Variants in TNIK observed in about 807,000 individuals in gnomAD.
TNIK encodes TRAF2 and NCK-interacting protein kinase.
TNIK carries 49 observed loss-of-function variants against 191.3 expected under a neutral mutation model. The ratio of observed to expected loss-of-function variants is 0.26; its 90% CI spans 0.20 to 0.32. The LOEUF is 0.32. Ranked by LOEUF, TNIK falls within the 10% of genes least tolerant of loss-of-function variation. TNIK has a pLI of 1.00. For missense variants in TNIK, 1,155 were observed against 1,702.3 expected (o/e 0.68, Z 5.66); for synonymous variants, 594 against 600.9 (o/e 0.99, Z 0.17).
chr3:171,419,869 A>G (rs1238307169), intron 1 of TNIK, among the ~76,000 whole-genome samples: 1 of 152,220 alleles, frequency 6.6e-6, no homozygotes, highest in Non-Finnish European at 1.5e-5. Context: ...GAATTTGACC[A>G]CAAGTTTTTA....
intron 2 of TNIK, among the ~76,000 whole-genome samples, chr3:171,261,660 T>C (rs957804767): frequency 6.6e-6 from 1 of 152,236 alleles, no homozygotes; most frequent in African/African-American, 2.4e-5. Context: ...TATGACTTCC[T>C]TGTATAAATA....
At chr3:171,101,724 G>C in intron 21 of TNIK, 91 bp from the exon 22 acceptor site, 2 of 1,187,634 alleles carry the variant, frequency 1.7e-6, no homozygotes, top group Non-Finnish European at 2.3e-6. Flanking sequence ...TAAGCAACAA[G>C]AAAAAAAAAA....
intron 22 of TNIK, among the ~76,000 whole-genome samples, chr3:171,098,923 CACAT>C (rs986594569): frequency 2.0e-5 from 3 of 152,086 alleles, no homozygotes; most frequent in Non-Finnish European, 4.4e-5. Flanking sequence ...TAAACATACA[CACAT>C]ACATTTGTAC....
intron 1 of TNIK, among the ~76,000 whole-genome samples, chr3:171,399,899 G>T (rs910414111): frequency 6.6e-6 from 1 of 152,120 alleles, no homozygotes; most frequent in African/African-American, 2.4e-5. Flanking sequence ...ATCAGGAGGT[G>T]GGGAAGTAAT....
At position 171,067,418 on chromosome 3, in the gene TNIK, C is replaced by T. The variant is rs1718583910; in HGVS notation, c.3700-683G>A. Among the ~76,000 whole-genome samples the T allele has an allele frequency of 2.0e-5, 3 of 151,998 alleles. No individual in the cohort carries two copies. The South Asian group carries it at 6.2e-4, about 32-fold the overall frequency. On this transcript the variant is annotated intron_variant, in intron 30 of 32. Coordinates refer to ENST00000436636, the MANE Select transcript of TNIK (RefSeq NM_015028.4). ...GCACACAGTGGCTCATGCCTGTAAT[C>T]CCAGCACTTTGGGAGGCCGAGGCGG...
intron 12 of TNIK, among the ~76,000 whole-genome samples, chr3:171,141,932 C>T (rs1321596332): frequency 1.3e-5 from 2 of 152,216 alleles, no homozygotes; most frequent in South Asian, 2.1e-4. Context: ...TAAGTTAGCT[C>T]TACACAACCA....
intron 2 of TNIK, among the ~76,000 whole-genome samples, chr3:171,262,062 G>A (rs1043514326): frequency 6.6e-6 from 1 of 152,154 alleles, no homozygotes; most frequent in Admixed American, 6.5e-5. Context: ...GTCACTGGGA[G>A]CAAGATAGTG....
In TNIK at chr3:171,354,793, G is replaced by A. The variant is rs139270249; in HGVS notation, c.123+14827C>T. Reference sequence around the variant, plus strand: ...CACAAATATATAGATTTCAGAGAGAGGTAACACCATGATGCATAGTACTTA... The same window carrying A: ...CACAAATATATAGATTTCAGAGAGAAGTAACACCATGATGCATAGTACTTA... On this transcript the variant is annotated intron_variant, in intron 2 of 32. Coordinates refer to ENST00000436636, the MANE Select transcript of TNIK (RefSeq NM_015028.4). 1.8e-3 allele frequency among the ~76,000 whole-genome samples: 268 copies of A among 152,250 alleles called. 2 individuals are homozygous for A. The highest frequency in any genetic ancestry group is 6.2e-3 in the African/African-American group (257 of 41,542).
intron 2 of TNIK, among the ~76,000 whole-genome samples, chr3:171,306,621 T>C (rs1449838867): frequency 6.6e-6 from 1 of 152,170 alleles, no homozygotes; most frequent in Non-Finnish European, 1.5e-5. Flanking sequence ...GTGAGACTCT[T>C]AAACGTTTGG....
At chr3:171,225,961 T>C (rs1742914036) in intron 3 of TNIK, among the ~76,000 whole-genome samples, 1 of 152,186 alleles carries the variant, frequency 6.6e-6, no homozygotes, top group Non-Finnish European at 1.5e-5. Context: ...CCAAGGAAAA[T>C]ACAGTAGTAT....
chr3:171,208,322 A>T (rs988593084), intron 4 of TNIK, among the ~76,000 whole-genome samples: 2 of 151,884 alleles, frequency 1.3e-5, no homozygotes, highest in Non-Finnish European at 2.9e-5. Flanking sequence ...CCCTGTCTCT[A>T]AAAAAAATGT....
chr3:171,405,631 C>T (rs1326975688), intron 1 of TNIK, among the ~76,000 whole-genome samples: 1 of 151,990 alleles, frequency 6.6e-6, no homozygotes, highest in African/African-American at 2.4e-5. Flanking sequence ...TCCAATTATT[C>T]TATTCCACAT....
chr3:171,320,872 C>T (rs2108331202), intron 2 of TNIK, among the ~76,000 whole-genome samples: 1 of 152,300 alleles, frequency 6.6e-6, no homozygotes, highest in South Asian at 2.1e-4. Flanking sequence ...AATAGTCCCA[C>T]TCCTGCTGGC....
At chr3:171,228,794 G>T (rs576925515) in intron 2 of TNIK, among the ~76,000 whole-genome samples, 1 of 152,268 alleles carries the variant, frequency 6.6e-6, no homozygotes, top group African/African-American at 2.4e-5. Context: ...GGGCTCTTTT[G>T]GTCTTTAGAA....
At chr3:171,216,433 T>C (rs933379932) in intron 3 of TNIK, among the ~76,000 whole-genome samples, 3 of 152,196 alleles carry the variant, frequency 2.0e-5, no homozygotes, top group Non-Finnish European at 4.4e-5. Flanking sequence ...TTAATTTTCA[T>C]TTTTCTTTCA....
At chr3:171,140,682 T>TGA (rs1012404051) in intron 12 of TNIK, among the ~76,000 whole-genome samples, 173 bp from the exon 13 acceptor site, 2 of 151,842 alleles carry the variant, frequency 1.3e-5, no homozygotes, top group African/African-American at 4.8e-5. Flanking sequence ...AGGGAGCGGG[T>TGA]GAGAGAGAGA....
chr3:171,318,172 C>T (rs1754833820), intron 2 of TNIK, among the ~76,000 whole-genome samples: 4 of 152,140 alleles, frequency 2.6e-5, no homozygotes, highest in Admixed American at 2.6e-4. Context: ...TAGCCTGAAC[C>T]TGGCCTATAG....
intron 2 of TNIK, among the ~76,000 whole-genome samples, chr3:171,275,598 G>A (rs920186225): frequency 6.6e-6 from 1 of 152,142 alleles, no homozygotes; most frequent in African/African-American, 2.4e-5. Context: ...AGAATTTGAA[G>A]TTATCATAAA....
At chr3:171,423,345 A>G (rs1724073844) in intron 1 of TNIK, among the ~76,000 whole-genome samples, 1 of 152,172 alleles carries the variant, frequency 6.6e-6, no homozygotes, top group Admixed American at 6.5e-5. Context: ...ATACAAACAA[A>G]TGGAAGAACA....
Sources: gnomAD v4.1 joint callset for allele counts (sites outside exome capture counted in the v4.1 genomes callset) on GRCh38, gnomAD v4.1.1 for gene constraint, MANE v1.5 for transcripts, NCBI Gene and HGNC (gene_info 2026-07-23, HGNC 2026-07-21) for gene names.